Variants in TTF2 observed in about 807,000 individuals in gnomAD.
The protein encoded by TTF2 is transcription termination factor 2, also known as RNA polymerase II termination factor.
TTF2 carries 108 observed loss-of-function variants against 142.4 expected under a neutral mutation model. The ratio of observed to expected loss-of-function variants is 0.76; its 90% confidence interval spans 0.65 to 0.89. TTF2 has a LOEUF of 0.89. Among genes scored for constraint, TTF2 ranks in the 40% least tolerant of loss-of-function variants. The pLI is 0.00. For missense variants in TTF2, 1,327 were observed against 1,379.8 expected (o/e 0.96, Z 0.61); for synonymous variants, 483 against 506.2 (o/e 0.95, Z 0.61).
intron 3 of TTF2, among the ~76,000 whole-genome samples, chr1:117,071,230 A>T (rs1656550178): frequency 6.6e-6 from 1 of 152,168 alleles, no homozygotes; most frequent in Admixed American, 6.5e-5. Flanking sequence ...TGCTTTTAAT[A>T]GTAAAGGATA....
rs183608844 is a variant in TTF2, at chr1:117,079,711, A to G, written c.1783+62A>G. 2.9e-4 allele frequency: 434 copies of G among 1,478,842 alleles called. No homozygotes were observed. In the African/African-American group the frequency reaches 4.5e-3, roughly 15 times the overall value. 91.6% of individuals were successfully genotyped at this position (1,478,842 alleles called of 1,614,324 possible). On this transcript the variant is annotated intron_variant, in intron 9 of 22. Transcript: ENST00000369466. The surrounding 1 kb of genome is among the most constrained non-coding windows in gnomAD (Gnocchi z 4.2). ...TGCTTAGGCATTGTGCTAAACACGT[A>G]GTGTTGTTTCATTTATTCCTCTCAA...
chr1:117,094,162 GCC>G (rs1648874955), intron 18 of TTF2, among the ~76,000 whole-genome samples: 1 of 152,218 alleles, frequency 6.6e-6, no homozygotes, highest in African/African-American at 2.4e-5. Context: ...TTGGAAAGCA[GCC>G]CCATGTGGTG....
At chr1:117,094,915 A>AG (rs1164916976) in intron 18 of TTF2, among the ~76,000 whole-genome samples, 2 of 152,136 alleles carry the variant, frequency 1.3e-5, no homozygotes, top group Admixed American at 6.5e-5. Context: ...CTGACACAAA[A>AG]GGGTGTTCTA....
chr1:117,068,421 C>A lies in TTF2; in HGVS notation c.219-5240C>A, dbSNP rs557264076. Among the ~76,000 whole-genome samples the A allele has an allele frequency of 1.8e-4, 27 of 151,774 alleles. No individual in the cohort carries two copies. The East Asian group carries it at 4.3e-3, about 24-fold the overall frequency. ...GGGTTGGGGGAGAGGGGAGGGATAGCATTAGGAGATATACTTAATGTAAAT... is the reference window on the plus strand; with the variant it reads ...GGGTTGGGGGAGAGGGGAGGGATAGAATTAGGAGATATACTTAATGTAAAT... On this transcript the variant is annotated intron_variant, in intron 3 of 22. Coordinates refer to ENST00000369466, the MANE Select transcript of TTF2 (RefSeq NM_003594.4).
At position 117,097,438 on chromosome 1, in the gene TTF2, T is replaced by C; in HGVS notation, c.3269+5T>C. 5.6e-6 allele frequency: 9 copies of C among 1,614,120 alleles called. No individual in the cohort carries two copies. The highest frequency in any genetic ancestry group is 6.8e-6 in the Non-Finnish European group (8 of 1,179,966). On this transcript the variant is annotated splice_donor_5th_base_variant and intron_variant, in intron 21 of 22. Coordinates refer to ENST00000369466, the MANE Select transcript of TTF2 (RefSeq NM_003594.4). This position sits in a 1 kb window ranked among gnomAD's most constrained non-coding sequence, Gnocchi z 4.1. ...CTTTCTTTTGGACATGCACTGGTAA[T>C]GATTCCGGATTTGTCCTGGGTTGTC...
Position 117,097,578 on chromosome 1 carries a change from A to C in TTF2, c.3269+145A>C. ...GCTTTGTATGTGTCTATAGATACAGATCTAAGCAGGGTATAGGGCTAGCTG... is the reference window on the plus strand; with the variant it reads ...GCTTTGTATGTGTCTATAGATACAGCTCTAAGCAGGGTATAGGGCTAGCTG... On this transcript the variant is annotated intron_variant, in intron 21 of 22. Transcript: ENST00000369466. This position sits in a 1 kb window ranked among gnomAD's most constrained non-coding sequence, Gnocchi z 4.1. The C allele has an allele frequency of 1.3e-6, 1 of 778,306 alleles. No individual in the cohort carries two copies. Among genetic ancestry groups the C allele is most frequent in the Non-Finnish European group, 2.2e-6 (1 of 452,454 alleles). 48.2% of individuals were successfully genotyped at this position (778,306 alleles called of 1,614,324 possible). A position where few individuals can be genotyped will look rare whatever the true frequency, so the allele number is the denominator to read the frequency against.
intron 10 of TTF2, among the ~76,000 whole-genome samples, chr1:117,083,735 T>C (rs374445591): frequency 1.4e-4 from 21 of 152,238 alleles, no homozygotes; most frequent in African/African-American, 4.3e-4. Context: ...CCTACTTCAC[T>C]ATAGGCTCTG....
Position 117,063,299 on chromosome 1 carries a change from T to G in TTF2, c.218+826T>G, listed in dbSNP as rs1351654375. On this transcript the variant is annotated intron_variant, in intron 3 of 22. Coordinates refer to ENST00000369466, the MANE Select transcript of TTF2 (RefSeq NM_003594.4). The surrounding 1 kb of genome is among the most constrained non-coding windows in gnomAD (Gnocchi z 4.1). ...ACACAAGTCTTAAGATTTCAACCAG[T>G]TGAGTTTTGAGAATGCATGTACCTG... 2.0e-5 allele frequency among the ~76,000 whole-genome samples: 3 copies of G among 152,180 alleles called. No individual in the cohort carries two copies. The highest frequency in any genetic ancestry group is 4.4e-5 in the Non-Finnish European group (3 of 68,034).
chr1:117,077,467 T>C (rs1173658542), intron 7 of TTF2, among the ~76,000 whole-genome samples: 1 of 152,224 alleles, frequency 6.6e-6, no homozygotes, highest in Non-Finnish European at 1.5e-5. Flanking sequence ...TAGGCAGACC[T>C]GCAGATATGC....
intron 13 of TTF2, 119 bp from the exon 14 acceptor site, chr1:117,089,936 T>C (rs545715927): frequency 3.1e-4 from 372 of 1,184,360 alleles, no homozygotes; most frequent in Admixed American, 7.0e-4. Context: ...TTAAAAGTGA[T>C]TGGATGACAG....
Position 117,060,515 on chromosome 1 carries a change from A to G in TTF2, c.89A>G (p.Tyr30Cys), listed in dbSNP as rs1655574763. ...GGCCCGAATAAAGGAAAGAGCTTCT[A>G]CGTGTGCCGGGCAGACACGTGCAGC... ...RDGPNKGKSF[Y>C]VCRADTCSFV... The change falls in exon 2 of 23, where the codon TAC becomes TGC. Residue 30 changes from tyrosine to cysteine, a missense_variant. By Grantham distance (194) the Tyr-to-Cys change is radical. Coordinates refer to ENST00000369466, the MANE Select transcript of TTF2 (RefSeq NM_003594.4). 3.1e-6 allele frequency: 5 copies of G among 1,613,988 alleles called. No individual in the cohort carries two copies. Among genetic ancestry groups the G allele is most frequent in the Non-Finnish European group, 3.4e-6 (4 of 1,179,902 alleles).
chr1:117,075,780 C>G lies in TTF2; in HGVS notation c.1196C>G (p.Ser399Ter). 6.2e-7 allele frequency: 1 copy of G among 1,614,208 alleles called. No individual in the cohort carries two copies. Among genetic ancestry groups the G allele is most frequent in the Non-Finnish European group, 8.5e-7 (1 of 1,180,044 alleles). Residue 399 changes from serine (S) to a stop codon, truncating the protein, a stop_gained, in exon 5 of 23, where the codon TCA becomes TGA. Coordinates refer to ENST00000369466, the MANE Select transcript of TTF2 (RefSeq NM_003594.4). LOFTEE classifies it high-confidence loss of function. This position sits in a 1 kb window ranked among gnomAD's most constrained non-coding sequence, Gnocchi z 4.5. ...GTGCAAAGAAAGGTGTCTCCTGCCTCAGGTGTTTCCAAGAAGGTAGAACCC... is the reference window on the plus strand; with the variant it reads ...GTGCAAAGAAAGGTGTCTCCTGCCTGAGGTGTTTCCAAGAAGGTAGAACCC... ...RSVQRKVSPA[S>*]GVSKKVEPSD...
In TTF2 at chr1:117,093,020, T is replaced by TA; in HGVS notation, c.2976+122dup. ...CATTTGCCAGCAGAGCTAGAGCCGT[T>TA]AAATTCTAGCTGATCAGATTCTCCC... On this transcript the variant is annotated intron_variant, in intron 18 of 22. Transcript: ENST00000369466. The surrounding 1 kb of genome is among the most constrained non-coding windows in gnomAD (Gnocchi z 4.5). 8.8e-7 allele frequency: 1 copy of TA among 1,140,696 alleles called. No homozygotes were observed. Among genetic ancestry groups the TA allele is most frequent in the Admixed American group, 2.3e-5 (1 of 44,018 alleles). 70.7% of individuals were successfully genotyped at this position (1,140,696 alleles called of 1,614,324 possible).
rs1557811328 is a variant in TTF2 at position 117,076,707 on chromosome 1, C to T, written c.1457C>T (p.Pro486Leu). 1 of 1,614,146 alleles carries T rather than the reference C, an allele frequency of 6.2e-7. No homozygotes were observed. Residue 486 changes from proline to leucine, a missense_variant, in exon 7 of 23, where the codon CCT becomes CTT. Pro to Leu is a moderately conservative substitution (Grantham distance 98). Transcript: ENST00000369466. This position sits in a 1 kb window ranked among gnomAD's most constrained non-coding sequence, Gnocchi z 4.6. ...CACTTCACCAAAACTACCACTGGCC[C>T]TCCCCACCTGGTGCCTCCCCAACCC... The part of the protein sequence containing the change: ...QSHFTKTTTG[P>L]PHLVPPQPLP...
rs1036256141 is a variant in TTF2, at chr1:117,105,372, G to C, written c.*3848G>C. 1.3e-5 allele frequency: 2 copies of C among 152,180 alleles called. No individual in the cohort carries two copies. Among genetic ancestry groups the C allele is most frequent in the Non-Finnish European group, 2.9e-5 (2 of 68,050 alleles). 9.4% of individuals were successfully genotyped at this position (152,180 alleles called of 1,614,324 possible). ...GCCATGTTGATCAAATAGGAGTATT[G>C]TGCATGCCGCAGCTAGACAGAGTCC... On this transcript the variant is annotated 3_prime_UTR_variant, in exon 23 of 23. Coordinates refer to ENST00000369466, the MANE Select transcript of TTF2 (RefSeq NM_003594.4). This position sits in a 1 kb window ranked among gnomAD's most constrained non-coding sequence, Gnocchi z 4.7.
chr1:117,060,628 C>G (rs1655594819), intron 2 of TTF2, 71 bp downstream of exon 2: 1 of 1,474,348 alleles, frequency 6.8e-7, no homozygotes, highest in South Asian at 1.3e-5. Flanking sequence ...CCGCTCCCCG[C>G]TGTCGGGCGT....
At chr1:117,072,914 T>G (rs1203574718) in intron 3 of TTF2, among the ~76,000 whole-genome samples, 1 of 152,156 alleles carries the variant, frequency 6.6e-6, no homozygotes, top group Non-Finnish European at 1.5e-5. Flanking sequence ...TGCATCCAGC[T>G]GCACTCTTTT....
At chr1:117,060,917 C>A (rs1655625549) in intron 2 of TTF2, among the ~76,000 whole-genome samples, 1 of 152,194 alleles carries the variant, frequency 6.6e-6, no homozygotes, top group Non-Finnish European at 1.5e-5. Context: ...TAAGGACACA[C>A]AGCAGACATA....
intron 10 of TTF2, among the ~76,000 whole-genome samples, chr1:117,082,440 T>A (rs1355175244): frequency 6.6e-6 from 1 of 152,194 alleles, no homozygotes; most frequent in East Asian, 1.9e-4. Context: ...CTCAAACAAC[T>A]GGGCTCAAGC....
Sources: gnomAD v4.1 joint callset for allele counts (sites outside exome capture counted in the v4.1 genomes callset) on GRCh38, gnomAD v4.1.1 for gene constraint, Gnocchi (gnomAD v3.1) non-coding constraint, MANE v1.5 for transcripts, NCBI Gene and HGNC (gene_info 2026-07-23, HGNC 2026-07-21) for gene names.